The following ATXN7L1 variants were observed in gnomAD, a reference collection of about 807,000 sequenced individuals.
ATXN7L1 encodes ataxin 7 like 1, also known as ataxin-7-like protein 1.
A neutral mutation model predicts 70.8 loss-of-function variants in ATXN7L1; 15 were observed. That is an observed-to-expected ratio of 0.21 (90% CI 0.14 to 0.33). The LOEUF (loss-of-function observed/expected upper bound fraction) is 0.33. Ranked by LOEUF, ATXN7L1 falls within the 10% of genes least tolerant of loss-of-function variation. The pLI is 1.00. For synonymous variants in ATXN7L1, 440 were observed against 445.1 expected (o/e 0.99, Z 0.14); for missense variants, 975 against 1,097.1 (o/e 0.89, Z 1.57).
chr7:105,610,022 C>T (rs1408613687), intron 11 of ATXN7L1, among the ~76,000 whole-genome samples: 4 of 152,092 alleles, frequency 2.6e-5, no homozygotes, highest in Non-Finnish European at 5.9e-5. Context: ...CTACCTGCCT[C>T]AGCCTCCCAA....
intron 2 of ATXN7L1, among the ~76,000 whole-genome samples, chr7:105,845,676 A>T (rs1215182098): frequency 2.6e-5 from 4 of 152,220 alleles, no homozygotes; most frequent in Non-Finnish European, 1.5e-5. Context: ...CACAGTATCC[A>T]AGATAGTGTG....
chr7:105,759,924 GCC>G (rs1800328324), intron 3 of ATXN7L1, among the ~76,000 whole-genome samples: 1 of 152,028 alleles, frequency 6.6e-6, no homozygotes, highest in Non-Finnish European at 1.5e-5. Context: ...GTCATTGAAA[GCC>G]CAGATAACAT....
At chr7:105,848,251 T>C (rs1255612307) in intron 2 of ATXN7L1, among the ~76,000 whole-genome samples, 1 of 152,122 alleles carries the variant, frequency 6.6e-6, no homozygotes, top group African/African-American at 2.4e-5. Flanking sequence ...TTGGCCAGAG[T>C]TGGGAAAACA....
At chr7:105,795,337 G>A (rs1805830038) in intron 2 of ATXN7L1, among the ~76,000 whole-genome samples, 1 of 152,194 alleles carries the variant, frequency 6.6e-6, no homozygotes, top group African/African-American at 2.4e-5. Context: ...GACAAGCAAA[G>A]TCATGTGTTT....
intron 2 of ATXN7L1, among the ~76,000 whole-genome samples, chr7:105,828,861 A>G (rs2116581473): frequency 6.6e-6 from 1 of 152,350 alleles, no homozygotes; most frequent in Admixed American, 6.5e-5. Context: ...CTAAAGAAGC[A>G]ATACATGGAC....
intron 2 of ATXN7L1, among the ~76,000 whole-genome samples, chr7:105,809,255 G>C (rs1364931195): frequency 3.9e-5 from 6 of 152,170 alleles, no homozygotes; most frequent in Non-Finnish European, 8.8e-5. Context: ...TAAAAAACAA[G>C]TTGTGGTTTA....
chr7:105,670,468 C>T (rs1028592348), intron 3 of ATXN7L1, among the ~76,000 whole-genome samples: 2 of 152,158 alleles, frequency 1.3e-5, no homozygotes, highest in African/African-American at 4.8e-5. Context: ...TCTTAGTCTT[C>T]GTTAATGCAT....
At chr7:105,731,524 T>G (rs916759606) in intron 3 of ATXN7L1, among the ~76,000 whole-genome samples, 1 of 150,370 alleles carries the variant, frequency 6.7e-6, no homozygotes, top group East Asian at 2.0e-4. Context: ...AACCTCCGCG[T>G]CCTGGGTTCA....
At chr7:105,643,549 T>C (rs1798560938) in intron 4 of ATXN7L1, among the ~76,000 whole-genome samples, 2 of 152,172 alleles carry the variant, frequency 1.3e-5, no homozygotes, top group Non-Finnish European at 2.9e-5. Context: ...GCTCAGCTAG[T>C]CCCCCAGCCC....
intron 2 of ATXN7L1, among the ~76,000 whole-genome samples, chr7:105,852,036 AGGCGCTTCCCT>A (rs1382534996): frequency 6.6e-6 from 1 of 152,106 alleles, no homozygotes; most frequent in African/African-American, 2.4e-5. Flanking sequence ...ACTTTCTATG[AGGCGCTTCCCT>A]GGCTCTCAGA....
chr7:105,847,069 C>T (rs1476642888), intron 2 of ATXN7L1, among the ~76,000 whole-genome samples: 2 of 152,064 alleles, frequency 1.3e-5, no homozygotes, highest in Non-Finnish European at 2.9e-5. Context: ...TATATTAATA[C>T]CAAAAACAAC....
At chr7:105,627,310 C>A (rs940583075) in intron 7 of ATXN7L1, among the ~76,000 whole-genome samples, 9 of 152,116 alleles carry the variant, frequency 5.9e-5, no homozygotes, top group African/African-American at 2.2e-4. Flanking sequence ...TCATGGCTCA[C>A]TGCAGCCACA....
intron 3 of ATXN7L1, among the ~76,000 whole-genome samples, chr7:105,727,746 G>GTATATATATATATATATATATATATA (rs1232202676): frequency 1.8e-5 from 1 of 55,356 alleles, no homozygotes; most frequent in Non-Finnish European, 2.9e-5. Flanking sequence ...GTGTATGTGT[G>GTATATATATATATATATATATATATA]TATATATATA....
In ATXN7L1 at chr7:105,769,774, C is replaced by G. The variant is rs147961247; in HGVS notation, c.355+18830G>C. Among the ~76,000 whole-genome samples, 246 of 152,242 alleles carry G rather than the reference C, an allele frequency of 1.6e-3. 1 individual carries two copies. The highest frequency in any genetic ancestry group is 5.8e-3 in the African/African-American group (239 of 41,552). On this transcript the variant is annotated intron_variant, in intron 3 of 11. Coordinates refer to ENST00000419735, the MANE Select transcript of ATXN7L1 (RefSeq NM_020725.2). ...AGAGTAGATCCCTAGGGATTTATAGCCTGGGCATTTTCTTTTACCTTTTTG... is the reference window on the plus strand; with the variant it reads ...AGAGTAGATCCCTAGGGATTTATAGGCTGGGCATTTTCTTTTACCTTTTTG...
intron 3 of ATXN7L1, among the ~76,000 whole-genome samples, chr7:105,732,238 T>C (rs1796658388): frequency 6.6e-6 from 1 of 152,070 alleles, no homozygotes; most frequent in South Asian, 2.1e-4. Context: ...CGTGAAACCC[T>C]GTCTCTACTA....
intron 5 of ATXN7L1, among the ~76,000 whole-genome samples, chr7:105,642,276 C>T (rs1798382473): frequency 6.6e-6 from 1 of 152,196 alleles, no homozygotes; most frequent in African/African-American, 2.4e-5. Context: ...ACTGCCAGCC[C>T]TACTGTTCCT....
chr7:105,609,954 G>A (rs2115703649), intron 11 of ATXN7L1, among the ~76,000 whole-genome samples: 1 of 152,064 alleles, frequency 6.6e-6, no homozygotes, highest in East Asian at 1.9e-4. Flanking sequence ...GTATTTTTTA[G>A]TGGAGATGGT....
intron 2 of ATXN7L1, among the ~76,000 whole-genome samples, chr7:105,836,749 G>A (rs1812441564): frequency 6.6e-6 from 1 of 152,140 alleles, no homozygotes; most frequent in African/African-American, 2.4e-5. Context: ...AAATACCCGA[G>A]GCTGGGTAAT....
intron 2 of ATXN7L1, among the ~76,000 whole-genome samples, chr7:105,795,493 A>C (rs1463935849): frequency 2.0e-5 from 3 of 152,228 alleles, no homozygotes; most frequent in Non-Finnish European, 1.5e-5. Context: ...GGATCAAGCT[A>C]GATGCTGCGT....
Sources: gnomAD v4.1 joint callset for allele counts (sites outside exome capture counted in the v4.1 genomes callset) on GRCh38, gnomAD v4.1.1 for gene constraint, MANE v1.5 for transcripts, NCBI Gene and HGNC (gene_info 2026-07-23, HGNC 2026-07-21) for gene names.